The following NELL1 variants were observed in gnomAD, a reference collection of about 807,000 sequenced individuals.
The protein encoded by NELL1 is protein kinase C-binding protein NELL1.
A neutral mutation model predicts 107.4 loss-of-function variants in NELL1; 76 were observed. The observed-to-expected ratio is 0.71, with a 90% CI of 0.59 to 0.86. NELL1 has a LOEUF of 0.86. NELL1 is among the 40% of genes least tolerant of loss of function. The pLI is 0.00. For missense variants in NELL1, 1,024 were observed against 1,005.5 expected (o/e 1.02, Z -0.25); for synonymous variants, 353 against 341.2 (o/e 1.03, Z -0.38).
chr11:21,072,921 G>T (rs1372792579), intron 12 of NELL1, among the ~76,000 whole-genome samples: 3 of 152,102 alleles, frequency 2.0e-5, no homozygotes, highest in East Asian at 3.9e-4. Context: ...CATGTGTTCT[G>T]CTTCCTGCTC....
At chr11:21,397,328 C>G (rs4244549) in intron 15 of NELL1, among the ~76,000 whole-genome samples, 123,712 of 151,414 alleles carry the variant, frequency 0.82, 50,663 homozygotes, top group South Asian at 0.87. Flanking sequence ...CCTCTTAAAG[C>G]TTCCATTGAT....
chr11:21,017,221 C>T (rs1269145442), intron 12 of NELL1, among the ~76,000 whole-genome samples: 1 of 152,100 alleles, frequency 6.6e-6, no homozygotes, highest in Non-Finnish European at 1.5e-5. Context: ...TCTCCAGAAG[C>T]TGTTGCAGCC....
chr11:20,769,810 GC>G (rs1274538959), intron 2 of NELL1, among the ~76,000 whole-genome samples: 1 of 152,108 alleles, frequency 6.6e-6, no homozygotes, highest in African/African-American at 2.4e-5. Flanking sequence ...CCCATGTCTT[GC>G]GCTCTGAGAT....
At chr11:20,903,676 T>G (rs1382199853) in intron 5 of NELL1, among the ~76,000 whole-genome samples, 1 of 152,088 alleles carries the variant, frequency 6.6e-6, no homozygotes, top group Non-Finnish European at 1.5e-5. Context: ...TTCTCTAACT[T>G]TAGATTGCAT....
intron 4 of NELL1, among the ~76,000 whole-genome samples, chr11:20,873,792 G>C (rs1590368941): frequency 6.8e-6 from 1 of 146,366 alleles, no homozygotes; most frequent in Non-Finnish European, 1.5e-5. Flanking sequence ...TTTGAGACAG[G>C]GTCTCACTCT....
intron 13 of NELL1, among the ~76,000 whole-genome samples, chr11:21,159,721 T>C (rs6483748): frequency 0.73 from 110,731 of 152,084 alleles, 40,406 homozygotes; most frequent in Admixed American, 0.8. Context: ...AAAGTGGGGC[T>C]ATACTGCTAA....
At chr11:21,173,619 A>G (rs1275033056) in intron 13 of NELL1, among the ~76,000 whole-genome samples, 2 of 151,902 alleles carry the variant, frequency 1.3e-5, no homozygotes, top group Admixed American at 1.3e-4. Flanking sequence ...ATGATAGGAC[A>G]CAATCTCTGT....
At chr11:20,827,220 C>G (rs1750222804) in intron 3 of NELL1, among the ~76,000 whole-genome samples, 1 of 151,178 alleles carries the variant, frequency 6.6e-6, no homozygotes, top group Non-Finnish European at 1.5e-5. Context: ...ATTGGAAGAG[C>G]CTGAGTGACC....
chr11:20,959,587 T>C (rs1475793044), intron 11 of NELL1, among the ~76,000 whole-genome samples: 1 of 152,196 alleles, frequency 6.6e-6, no homozygotes, highest in Non-Finnish European at 1.5e-5. Context: ...AACCCTCATA[T>C]GTTCACATTC....
At chr11:21,471,996 T>C (rs1198179564) in intron 15 of NELL1, among the ~76,000 whole-genome samples, 2 of 152,052 alleles carry the variant, frequency 1.3e-5, no homozygotes, top group Non-Finnish European at 1.5e-5. Context: ...TTTTAGCCTG[T>C]TTCTGAAGAT....
At chr11:21,301,501 A>C (rs1849491473) in intron 14 of NELL1, among the ~76,000 whole-genome samples, 1 of 152,146 alleles carries the variant, frequency 6.6e-6, no homozygotes, top group Non-Finnish European at 1.5e-5. Context: ...ACCAGTGATG[A>C]TGAGCATTTT....
At chr11:20,895,255 G>C (rs578221770) in intron 5 of NELL1, among the ~76,000 whole-genome samples, 1,518 of 78,410 alleles carry the variant, frequency 0.019, 25 homozygotes, top group Non-Finnish European at 0.027. Flanking sequence ...CTGGGCGACA[G>C]AGCGAGACTC....
intron 13 of NELL1, 98 bp downstream of exon 13, chr11:21,113,812 T>C: frequency 8.0e-7 from 1 of 1,253,794 alleles, no homozygotes; most frequent in Non-Finnish European, 1.1e-6. Context: ...AGTACTATTT[T>C]TATCTAAATA....
At chr11:20,962,768 C>G (rs1851315096) in intron 12 of NELL1, among the ~76,000 whole-genome samples, 2 of 152,184 alleles carry the variant, frequency 1.3e-5, no homozygotes, top group Admixed American at 1.3e-4. Flanking sequence ...TGGCCTTAGG[C>G]CAGTATGCAT....
chr11:21,448,725 A>G (rs1034604535), intron 15 of NELL1, among the ~76,000 whole-genome samples: 1 of 151,978 alleles, frequency 6.6e-6, no homozygotes, highest in Admixed American at 6.6e-5. Context: ...TTGCTCGCCC[A>G]CTCTTCCCTG....
intron 12 of NELL1, among the ~76,000 whole-genome samples, chr11:21,019,603 T>C (rs1200391097): frequency 6.6e-6 from 1 of 151,554 alleles, no homozygotes; most frequent in African/African-American, 2.4e-5. Flanking sequence ...AAGGAGGGAG[T>C]GCTCCTGGCA....
intron 3 of NELL1, among the ~76,000 whole-genome samples, chr11:20,824,476 G>C (rs753327148): frequency 1.3e-5 from 2 of 151,184 alleles, no homozygotes; most frequent in Admixed American, 1.3e-4. Flanking sequence ...GAAGAAGATA[G>C]GAAAATGTGG....
intron 14 of NELL1, among the ~76,000 whole-genome samples, chr11:21,358,546 A>C (rs7117057): frequency 0.043 from 6,256 of 145,104 alleles, 295 homozygotes; most frequent in African/African-American, 0.13. Context: ...TTACAGACAC[A>C]TGCCACCATG....
rs574763206 is a variant in NELL1, at chr11:21,180,991, A to AT, written c.1427-48333dup. On this transcript the variant is annotated intron_variant, in intron 13 of 19. Coordinates refer to ENST00000357134, the MANE Select transcript of NELL1 (RefSeq NM_006157.5). ...GGCAAAGTAAACACCATGTCAAAGA[A>AT]TTTTTTTTCTAAAAATGAGGATGCT... Among the ~76,000 whole-genome samples the AT allele has an allele frequency of 3.5e-3, 531 of 151,724 alleles. 14 individuals carry two copies. The highest frequency in any genetic ancestry group is 0.012 in the African/African-American group (490 of 41,112).
Sources: gnomAD v4.1 joint callset for allele counts (sites outside exome capture counted in the v4.1 genomes callset) on GRCh38, gnomAD v4.1.1 for gene constraint, MANE v1.5 for transcripts, NCBI Gene and HGNC (gene_info 2026-07-23, HGNC 2026-07-21) for gene names.